ADAMTS16: variants seen among roughly 807,000 people sequenced by gnomAD.
The protein encoded by ADAMTS16 is ADAM metallopeptidase with thrombospondin type 1 motif 16.
Under a neutral mutation model 145.8 loss-of-function variants are expected in ADAMTS16, and 94 were observed. The ratio of observed to expected loss-of-function variants is 0.64; its 90% CI spans 0.55 to 0.77. ADAMTS16 has a LOEUF of 0.77. ADAMTS16 is among the 30% of genes least tolerant of loss of function. The pLI, the probability that ADAMTS16 is intolerant of heterozygous loss-of-function variation, is 0.00. For missense variants in ADAMTS16, 1,585 were observed against 1,591.5 expected (o/e 1.00, Z 0.07); for synonymous variants, 659 against 604.3 (o/e 1.09, Z -1.33).
chr5:5,318,972 T>A (rs1734169078), intron 22 of ADAMTS16, 51 bp from the exon 23 acceptor site: 5 of 1,353,024 alleles, frequency 3.7e-6, no homozygotes, highest in Admixed American at 1.9e-5. Flanking sequence ...GCTGGCAACA[T>A]CAGTCGCTGC....
chr5:5,312,403 C>T (rs1398520763), intron 21 of ADAMTS16, among the ~76,000 whole-genome samples: 1 of 151,798 alleles, frequency 6.6e-6, no homozygotes, highest in African/African-American at 2.4e-5. Flanking sequence ...GCCCAGGAGA[C>T]CTCTTGTCAT....
At chr5:5,295,917 CA>C (rs1739509387) in intron 18 of ADAMTS16, among the ~76,000 whole-genome samples, 2 of 152,236 alleles carry the variant, frequency 1.3e-5, no homozygotes, top group Non-Finnish European at 2.9e-5. Context: ...ACATCCATTA[CA>C]ACCTTCTATG....
intron 3 of ADAMTS16, among the ~76,000 whole-genome samples, chr5:5,147,533 A>G (rs1482870332): frequency 6.6e-6 from 1 of 152,196 alleles, no homozygotes; most frequent in Non-Finnish European, 1.5e-5. Flanking sequence ...AGATGTTAAC[A>G]TTCTGCTTTT....
chr5:5,213,876 C>T (rs1736343490), intron 10 of ADAMTS16, among the ~76,000 whole-genome samples: 1 of 152,318 alleles, frequency 6.6e-6, no homozygotes, highest in Middle Eastern at 3.4e-3. Context: ...GCTGCTCACC[C>T]CTTACCGTTA....
At chr5:5,291,825 C>G (rs1244346075) in intron 18 of ADAMTS16, among the ~76,000 whole-genome samples, 1 of 152,190 alleles carries the variant, frequency 6.6e-6, no homozygotes, top group Non-Finnish European at 1.5e-5. Flanking sequence ...AAAAGCAAAT[C>G]TGCTGAAACA....
In ADAMTS16 at chr5:5,199,131, G is replaced by A. The variant is rs577223172; in HGVS notation, c.1314-1001G>A. On this transcript the variant is annotated intron_variant, in intron 8 of 22. Transcript: ENST00000274181. ...TGGGATAGTTGAAAATGGGATCATT[G>A]AAATGAGCCTTGAGAGCACTCAAGG... 1.4e-4 allele frequency among the ~76,000 whole-genome samples: 22 copies of A among 152,292 alleles called. No individual in the cohort carries two copies. In the South Asian group the frequency reaches 4.6e-3, roughly 32 times the overall value.
At chr5:5,282,507 C>T (rs912987418) in intron 18 of ADAMTS16, among the ~76,000 whole-genome samples, 43 of 152,154 alleles carry the variant, frequency 2.8e-4, no homozygotes, top group African/African-American at 8.7e-4. Flanking sequence ...AATCCACATG[C>T]GGTTCACAAA....
At chr5:5,181,956 A>G in intron 3 of ADAMTS16, 88 bp from the exon 4 acceptor site, 1 of 1,411,068 alleles carries the variant, frequency 7.1e-7, no homozygotes, top group Non-Finnish European at 9.6e-7. Flanking sequence ...CCAAGAGAAT[A>G]ATAACAAATG....
chr5:5,218,603 G>T (rs566786828), intron 10 of ADAMTS16, among the ~76,000 whole-genome samples: 1 of 152,356 alleles, frequency 6.6e-6, no homozygotes, highest in Admixed American at 6.5e-5. Context: ...GGGCCAGTGT[G>T]ACAGCTTTCT....
intron 10 of ADAMTS16, among the ~76,000 whole-genome samples, chr5:5,218,589 C>T (rs906782182): frequency 3.3e-5 from 5 of 152,234 alleles, no homozygotes; most frequent in African/African-American, 4.8e-5. Context: ...ATTCCAAGGG[C>T]AGAGGGCCAG....
chr5:5,275,434 A>G (rs1007142170), intron 18 of ADAMTS16, among the ~76,000 whole-genome samples: 1 of 152,202 alleles, frequency 6.6e-6, no homozygotes, highest in East Asian at 1.9e-4. Context: ...TTCATATGAC[A>G]ACTAGATCAA....
At chr5:5,167,928 T>C (rs1734927009) in intron 3 of ADAMTS16, among the ~76,000 whole-genome samples, 1 of 152,262 alleles carries the variant, frequency 6.6e-6, no homozygotes, top group Non-Finnish European at 1.5e-5. Flanking sequence ...AGTGAGTTTT[T>C]AACTGTATCC....
chr5:5,146,882 G>T (rs1435180831), intron 3 of ADAMTS16, among the ~76,000 whole-genome samples: 1 of 152,210 alleles, frequency 6.6e-6, no homozygotes, highest in East Asian at 1.9e-4. Context: ...ATATTTGAAA[G>T]ACTTTGAATA....
intron 10 of ADAMTS16, among the ~76,000 whole-genome samples, chr5:5,219,163 C>T (rs183734965): frequency 8.0e-4 from 122 of 152,028 alleles, no homozygotes; most frequent in African/African-American, 2.8e-3. Flanking sequence ...TCAATACAGG[C>T]GTACAATGTG....
In ADAMTS16 at chr5:5,303,469, G is replaced by A; in HGVS notation, c.2991G>A (p.Glu997=). ...PPAWSAGPWA[E]CSHTCGKGWR... ...CATGGAGCGCCGGGCCCTGGGCAGA[G>A]GTAACCAGGGTGGGGTTGGCATGGG... Residue 997 remains glutamate, a splice_region_variant and synonymous_variant, in exon 19 of 23, where the codon GAG becomes GAA. Coordinates refer to ENST00000274181, the MANE Select transcript of ADAMTS16 (RefSeq NM_139056.4). 6.2e-7 allele frequency: 1 copy of A among 1,609,790 alleles called. No individual in the cohort carries two copies. The highest frequency in any genetic ancestry group is 8.5e-7 in the Non-Finnish European group (1 of 1,177,224).
chr5:5,165,793 T>A (rs537531719), intron 3 of ADAMTS16, among the ~76,000 whole-genome samples: 1 of 152,256 alleles, frequency 6.6e-6, no homozygotes, highest in South Asian at 2.1e-4. Context: ...TGCAAAAACA[T>A]GGGTGAGTTC....
At chr5:5,220,857 C>T (rs1736584210) in intron 10 of ADAMTS16, among the ~76,000 whole-genome samples, 1 of 152,098 alleles carries the variant, frequency 6.6e-6, no homozygotes, top group South Asian at 2.1e-4. Context: ...CCATTGTGGC[C>T]ATCTCCCAGA....
chr5:5,302,509 G>C (rs1739827005), intron 18 of ADAMTS16, among the ~76,000 whole-genome samples: 1 of 152,176 alleles, frequency 6.6e-6, no homozygotes, highest in African/African-American at 2.4e-5. Context: ...ACACCACAGA[G>C]ATGTAATTCC....
At chr5:5,141,981 A>T (rs1288787174) in intron 2 of ADAMTS16, among the ~76,000 whole-genome samples, 2 of 152,046 alleles carry the variant, frequency 1.3e-5, no homozygotes, top group African/African-American at 4.8e-5. Flanking sequence ...TGTCCTTTTT[A>T]GGGTTTTGCT....
Sources: allele counts gnomAD v4.1 joint callset (sites outside exome capture counted in the v4.1 genomes callset), GRCh38; gene constraint gnomAD v4.1.1; transcripts MANE v1.5; gene names NCBI Gene and HGNC (gene_info 2026-07-23, HGNC 2026-07-21).